Variants in RP1 observed in about 807,000 individuals in gnomAD.
RP1 encodes the protein RP1 axonemal microtubule associated.
RP1 carries 16 observed loss-of-function variants against 14.8 expected under a neutral mutation model. The observed-to-expected ratio is 1.08, with a 90% CI of 0.73 to 1.65. RP1 has a LOEUF of 1.65. Ranked by LOEUF, RP1 falls within the 40% of genes most tolerant of loss-of-function variation. The pLI, the probability that RP1 is intolerant of heterozygous loss-of-function variation, is 0.00. For synonymous variants in RP1, 876 were observed against 883.6 expected (o/e 0.99, Z 0.15); for missense variants, 2,631 against 2,535.0 (o/e 1.04, Z -0.81).
intron 1 of RP1, among the ~76,000 whole-genome samples, chr8:54,593,228 T>C (rs4739022): frequency 0.87 from 131,922 of 152,182 alleles, 57,696 homozygotes; most frequent in African/African-American, 0.97. Context: ...ATCTTTAATC[T>C]GCCATCAAGG....
chr8:54,793,019 A>G (rs1366227374), intron 24 of RP1, among the ~76,000 whole-genome samples: 1 of 151,852 alleles, frequency 6.6e-6, no homozygotes, highest in Non-Finnish European at 1.5e-5. Flanking sequence ...AACTCATACC[A>G]CAGAAATACA....
intron 1 of RP1, among the ~76,000 whole-genome samples, chr8:54,605,419 TC>T (rs1563323537): frequency 1.3e-5 from 2 of 152,214 alleles, no homozygotes; most frequent in African/African-American, 4.8e-5. Context: ...TGTTATAATT[TC>T]TATTCTTTTA....
At chr8:54,602,694 A>C (rs943979991) in intron 1 of RP1, among the ~76,000 whole-genome samples, 21 of 152,108 alleles carry the variant, frequency 1.4e-4, no homozygotes, top group Non-Finnish European at 2.8e-4. Flanking sequence ...CCTCTCCAGC[A>C]CCTGTTGTTT....
At chr8:54,866,933 CATTT>C (rs1812471564) in intron 28 of RP1, among the ~76,000 whole-genome samples, 1 of 152,104 alleles carries the variant, frequency 6.6e-6, no homozygotes, top group Non-Finnish European at 1.5e-5. Flanking sequence ...TTTATCCATC[CATTT>C]ATTTATGAAA....
intron 24 of RP1, among the ~76,000 whole-genome samples, chr8:54,831,736 CTA>C (rs1399613706): frequency 6.6e-6 from 1 of 151,680 alleles, no homozygotes; most frequent in Non-Finnish European, 1.5e-5. Context: ...AGTATATTTA[CTA>C]TATCCATGCT....
intron 1 of RP1, among the ~76,000 whole-genome samples, chr8:54,608,715 A>G (rs2129308879): frequency 6.6e-6 from 1 of 152,334 alleles, no homozygotes; most frequent in South Asian, 2.1e-4. Context: ...ATTAGAGAGT[A>G]AGTCTTAAAT....
At chr8:54,664,432 C>T (rs995353137) in intron 7 of RP1, among the ~76,000 whole-genome samples, 1 of 152,100 alleles carries the variant, frequency 6.6e-6, no homozygotes, top group African/African-American at 2.4e-5. Flanking sequence ...ATTGAGGGAT[C>T]ATATGGTAGT....
chr8:54,811,780 C>G (rs1811000861), intron 24 of RP1, among the ~76,000 whole-genome samples: 2 of 152,210 alleles, frequency 1.3e-5, no homozygotes, highest in South Asian at 4.1e-4. Context: ...AAGTTCATAT[C>G]TTGAGCTTGA....
At chr8:54,734,603 G>C in exon 18 of RP1, 1 of 1,535,716 alleles carries the variant, frequency 6.5e-7, no homozygotes, top group Non-Finnish European at 8.7e-7. Context: ...AATGGAAGGT[G>C]TTAGTGCTGA....
intron 7 of RP1, among the ~76,000 whole-genome samples, chr8:54,670,686 TATATATATATATATATATATAAAAC>T (rs1807156663): frequency 7.3e-6 from 1 of 137,408 alleles, no homozygotes; most frequent in South Asian, 2.3e-4. Context: ...TATATATATA[TATATATATATATATATATATAAAAC>T]ATTAAGTCCT....
chr8:54,599,757 T>A (rs1319482198), intron 1 of RP1, among the ~76,000 whole-genome samples: 1 of 152,194 alleles, frequency 6.6e-6, no homozygotes, highest in Non-Finnish European at 1.5e-5. Flanking sequence ...CCTGACTGAA[T>A]GTCTTTTGTC....
chr8:54,663,826 C>T, exon 7 of RP1: 1 of 1,527,592 alleles, frequency 6.5e-7, no homozygotes. Flanking sequence ...GATCGAAGAG[C>T]TCCTTCAATT....
chr8:54,627,840 A>G lies in RP1; in HGVS notation c.3958A>G (p.Asn1320Asp). The change falls in exon 4 of 4, where the codon AAC becomes GAC. Residue 1320 changes from asparagine (N) to aspartate (D), a missense_variant. Transcript: ENST00000220676. Reference sequence around the variant, plus strand: ...TGATAAGGCTTGTGCTCAAAAGGAGAACCATACCTATGAGGGAGCTTGCCC... The same window carrying G: ...TGATAAGGCTTGTGCTCAAAAGGAGGACCATACCTATGAGGGAGCTTGCCC... ...FSDKACAQKE[N>D]HTYEGACPID... 6.2e-7 allele frequency: 1 copy of G among 1,614,136 alleles called. No homozygotes were observed. The highest frequency in any genetic ancestry group is 1.1e-5 in the South Asian group (1 of 91,090).
intron 15 of RP1, among the ~76,000 whole-genome samples, chr8:54,707,574 T>C (rs775047742): frequency 6.6e-6 from 1 of 152,244 alleles, no homozygotes. Flanking sequence ...TCTATTATTG[T>C]TTAAAATAGT....
chr8:54,614,458 C>A (rs1805667285), upstream of RP1, among the ~76,000 whole-genome samples: 1 of 152,092 alleles, frequency 6.6e-6, no homozygotes, highest in Non-Finnish European at 1.5e-5. Context: ...CTCTCAGACC[C>A]CACCCCAGGC....
Position 54,630,066 on chromosome 8 carries a change from T to G in RP1, c.6184T>G (p.Phe2062Val). The G allele has an allele frequency of 1.2e-6, 2 of 1,613,986 alleles. No individual in the cohort carries two copies. Among genetic ancestry groups the G allele is most frequent in the Non-Finnish European group, 1.7e-6 (2 of 1,179,940 alleles). ...QDLSGQTNEI[F>V]KAVDENNNLL... ...CCTCAGCGGTCAGACAAATGAAATC[T>G]TTAAAGCAGTCGATGAGAATAACAA... Residue 2062 changes from phenylalanine (F) to valine (V), a missense_variant, in exon 4 of 4, where the codon TTT (phenylalanine) becomes GTT (valine). Transcript: ENST00000220676.
At chr8:54,586,879 C>T (rs1804940011) in intron 1 of RP1, among the ~76,000 whole-genome samples, 1 of 152,202 alleles carries the variant, frequency 6.6e-6, no homozygotes, top group African/African-American at 2.4e-5. Context: ...TCCAATTTTC[C>T]AGGTGCCGTC....
upstream of RP1, among the ~76,000 whole-genome samples, chr8:54,614,665 G>A (rs1585552468): frequency 2.0e-5 from 3 of 152,168 alleles, no homozygotes; most frequent in African/African-American, 4.8e-5. Context: ...CGTATACTAC[G>A]GGAGATGCTC....
intron 17 of RP1, among the ~76,000 whole-genome samples, chr8:54,733,858 C>T (rs1808850312): frequency 6.6e-6 from 1 of 152,146 alleles, no homozygotes; most frequent in African/African-American, 2.4e-5. Flanking sequence ...AGAAGACAGC[C>T]ATTCTAGCTT....
Sources: gnomAD v4.1 joint callset for allele counts (sites outside exome capture counted in the v4.1 genomes callset) on GRCh38, gnomAD v4.1.1 for gene constraint, MANE v1.5 for transcripts, NCBI Gene and HGNC (gene_info 2026-07-23, HGNC 2026-07-21) for gene names.